Variants in PLPP3 observed in about 807,000 individuals in gnomAD.
PLPP3 encodes the protein PAP2 beta.
In PLPP3, 6 loss-of-function variants were observed where a neutral mutation model predicts 29.6. That is an observed-to-expected ratio of 0.20 (90% CI 0.11 to 0.40). The LOEUF is 0.40. PLPP3 is among the 10% of genes least tolerant of loss of function. PLPP3 has a pLI of 1.00. For synonymous variants in PLPP3, 152 were observed against 159.7 expected (o/e 0.95, Z 0.36); for missense variants, 308 against 407.7 (o/e 0.76, Z 2.11).
In PLPP3 at chr1:56,495,773, AGT is replaced by A. The variant is rs1645627609; in HGVS notation, c.*776_*777del. The A allele has an allele frequency of 6.6e-6, 1 of 152,664 alleles. No homozygotes were observed. Among genetic ancestry groups the A allele is most frequent in the Admixed American group, 6.5e-5 (1 of 15,286 alleles). The allele number at this position is 152,664 out of a possible 1,614,324, so 9.5% of individuals were successfully genotyped here. ...GTCGAACTGTTTCTAAGAGTATGCA[AGT>A]GCCCGGTGATTGACGTGCACAACAT... On this transcript the variant is annotated 3_prime_UTR_variant, in exon 6 of 6. Transcript: ENST00000371250.
intron 5 of PLPP3, among the ~76,000 whole-genome samples, chr1:56,500,361 G>T (rs775378610): frequency 6.6e-6 from 1 of 152,194 alleles, no homozygotes; most frequent in African/African-American, 2.4e-5. Context: ...ATTTAACCCA[G>T]ACTGAAGGGG....
chr1:56,527,265 C>T lies in PLPP3; in HGVS notation c.298-2711G>A, dbSNP rs185638196. Among the ~76,000 whole-genome samples the T allele has an allele frequency of 3.5e-3, 538 of 152,262 alleles. 1 individual carries two copies. The highest frequency in any genetic ancestry group is 0.012 in the African/African-American group (516 of 41,554). On this transcript the variant is annotated intron_variant, in intron 2 of 5. Transcript: ENST00000371250. ...AGATGAAAAGAACATTTTGCAGTACCTCAAATTCCTAATAATAATGTTAAC... is the reference window on the plus strand; with the variant it reads ...AGATGAAAAGAACATTTTGCAGTACTTCAAATTCCTAATAATAATGTTAAC...
At chr1:56,539,974 C>T (rs1645957322) in intron 1 of PLPP3, among the ~76,000 whole-genome samples, 1 of 152,136 alleles carries the variant, frequency 6.6e-6, no homozygotes, top group African/African-American at 2.4e-5. Context: ...ATTTGCACTC[C>T]ACTCTCAGAC....
At chr1:56,569,656 G>A (rs558436028) in intron 1 of PLPP3, among the ~76,000 whole-genome samples, 23 of 152,132 alleles carry the variant, frequency 1.5e-4, no homozygotes, top group African/African-American at 4.6e-4. Context: ...TGCTCTCCTC[G>A]TTCACCAAAA....
chr1:56,498,745 C>T (rs6684737), intron 5 of PLPP3, among the ~76,000 whole-genome samples: 151,988 of 152,164 alleles, frequency 1, 75,907 homozygotes, highest in Non-Finnish European at 1. Context: ...GGGATTCTCC[C>T]GCCTCAGCCT....
intron 1 of PLPP3, among the ~76,000 whole-genome samples, chr1:56,568,906 T>G (rs572661300): frequency 6.6e-6 from 1 of 152,070 alleles, no homozygotes; most frequent in South Asian, 2.1e-4. Flanking sequence ...ATTACAGGCG[T>G]GAGCCACCGC....
At chr1:56,520,606 G>A (rs956246900) in intron 4 of PLPP3, among the ~76,000 whole-genome samples, 2 of 118,534 alleles carry the variant, frequency 1.7e-5, no homozygotes, top group Admixed American at 8.4e-5. Context: ...GCTCATGCCT[G>A]TAATCCCAAC....
chr1:56,560,418 A>T (rs1008696480), intron 1 of PLPP3, among the ~76,000 whole-genome samples: 14 of 152,236 alleles, frequency 9.2e-5, no homozygotes, highest in African/African-American at 3.4e-4. Flanking sequence ...TTATATCAAC[A>T]TAACCTTTTG....
At chr1:56,520,962 G>A (rs1223281896) in intron 4 of PLPP3, among the ~76,000 whole-genome samples, 3 of 147,066 alleles carry the variant, frequency 2.0e-5, no homozygotes, top group Admixed American at 1.4e-4. Context: ...GGCCTAGCAC[G>A]GAGGCTCACA....
At position 56,574,175 on chromosome 1, in the gene PLPP3, G is replaced by C. The variant is rs765147965; in HGVS notation, c.139+4703C>G. On this transcript the variant is annotated intron_variant, in intron 1 of 5. Coordinates refer to ENST00000371250, the MANE Select transcript of PLPP3 (RefSeq NM_003713.5). ...AGATCACGCCATTGCACTCTAGCCT[G>C]GGTGACAGAGAAGACTCTGTCTCAA... Among the ~76,000 whole-genome samples the C allele has an allele frequency of 2.0e-5, 3 of 151,514 alleles. No individual in the cohort carries two copies. The South Asian group carries it at 6.3e-4, about 32-fold the overall frequency.
intron 5 of PLPP3, 45 bp downstream of exon 5, chr1:56,511,931 C>G: frequency 6.2e-7 from 1 of 1,602,406 alleles, no homozygotes; most frequent in Non-Finnish European, 8.5e-7. Flanking sequence ...TAACAAGCAA[C>G]AGTCCAGGGC....
chr1:56,499,086 C>T (rs1244684109), intron 5 of PLPP3, among the ~76,000 whole-genome samples: 2 of 121,520 alleles, frequency 1.6e-5, no homozygotes, highest in Admixed American at 1.7e-4. Flanking sequence ...CCCCCCCCCA[C>T]CTTCCCCCCT....
At chr1:56,521,885 G>A (rs866160840) in intron 4 of PLPP3, among the ~76,000 whole-genome samples, 2 of 152,150 alleles carry the variant, frequency 1.3e-5, no homozygotes, top group Non-Finnish European at 2.9e-5. Context: ...ATCTCTAGAT[G>A]GTAAGGAGGT....
intron 1 of PLPP3, among the ~76,000 whole-genome samples, chr1:56,570,875 T>C (rs1377712336): frequency 6.6e-6 from 1 of 152,240 alleles, no homozygotes; most frequent in African/African-American, 2.4e-5. Context: ...ATCTTGGTAA[T>C]AAGTACTTTC....
At position 56,496,636 on chromosome 1, in the gene PLPP3, A is replaced by G. The variant is rs1176411561; in HGVS notation, c.851T>C (p.Leu284Pro). Residue 284 changes from leucine to proline, a missense_variant, in exon 6 of 6, where the codon CTC becomes CCC. Around this residue, in one of 3 missense-constraint regions of PLPP3, gnomAD observed 232 missense variants for 317.2 expected, o/e 0.73. Coordinates refer to ENST00000371250, the MANE Select transcript of PLPP3 (RefSeq NM_003713.5). ...CCGGATAGCAGGGGCAGGCAGGGAG[A>G]GCGTCGTCTTAGTCTTGAAGAGGTC... ...VSDLFKTKTT[L>P]SLPAPAIRKE... The G allele has an allele frequency of 6.2e-7, 1 of 1,613,784 alleles. No homozygotes were observed.
chr1:56,550,266 T>C (rs1369157862), intron 1 of PLPP3, among the ~76,000 whole-genome samples: 2 of 152,152 alleles, frequency 1.3e-5, no homozygotes, highest in Non-Finnish European at 2.9e-5. Flanking sequence ...TCGGATACAC[T>C]GGGAGAACTG....
Position 56,505,065 on chromosome 1 carries a change from T to C in PLPP3, c.810+6911A>G, listed in dbSNP as rs541697261. Among the ~76,000 whole-genome samples, 3 of 152,354 alleles carry C rather than the reference T, an allele frequency of 2.0e-5. No homozygotes were observed. In the East Asian group the frequency reaches 5.8e-4, roughly 29 times the overall value. On this transcript the variant is annotated intron_variant, in intron 5 of 5. Coordinates refer to ENST00000371250, the MANE Select transcript of PLPP3 (RefSeq NM_003713.5). ...TGTGGGTGCCTCTATTGGGTTATGA[T>C]ATAAAGTGTATTTCTTATTATAGAT...
intron 5 of PLPP3, among the ~76,000 whole-genome samples, chr1:56,503,936 C>T (rs544937259): frequency 2.0e-5 from 3 of 152,200 alleles, no homozygotes; most frequent in East Asian, 3.9e-4. Context: ...CACCACTGCA[C>T]CTGGCCAATT....
At chr1:56,514,878 C>T (rs1322171611) in intron 4 of PLPP3, among the ~76,000 whole-genome samples, 1 of 152,172 alleles carries the variant, frequency 6.6e-6, no homozygotes, top group African/African-American at 2.4e-5. Flanking sequence ...AGGCCAAAGA[C>T]TACTCCCTTA....
Sources: gnomAD v4.1 joint callset for allele counts (sites outside exome capture counted in the v4.1 genomes callset) on GRCh38, gnomAD v4.1.1 for gene constraint, gnomAD v4.1.1 regional missense constraint, MANE v1.5 for transcripts, NCBI Gene and HGNC (gene_info 2026-07-23, HGNC 2026-07-21) for gene names.